Variants in USP6NL observed in about 807,000 individuals in gnomAD.
The protein encoded by USP6NL is USP6 N-terminal-like protein.
USP6NL carries 26 observed loss-of-function variants against 61.9 expected under a neutral mutation model. The observed-to-expected ratio is 0.42, with a 90% CI of 0.31 to 0.58. USP6NL has a LOEUF of 0.58. Among genes scored for constraint, USP6NL ranks in the 20% least tolerant of loss-of-function variants. USP6NL has a pLI of 0.16. For missense variants in USP6NL, 1,114 were observed against 1,034.3 expected, an observed-to-expected ratio of 1.08 and a Z score of -1.06; for synonymous variants, 432 against 390.1, an observed-to-expected ratio of 1.11 and a Z score of -1.27.
At chr10:11,583,983 C>T (rs973982601) in intron 2 of USP6NL, among the ~76,000 whole-genome samples, 3 of 152,096 alleles carry the variant, frequency 2.0e-5, no homozygotes, top group Non-Finnish European at 4.4e-5. Flanking sequence ...GAGGCGAGAT[C>T]ACGTCACTGC....
intron 2 of USP6NL, among the ~76,000 whole-genome samples, chr10:11,557,485 T>C (rs1213911862): frequency 4.6e-5 from 7 of 152,230 alleles, no homozygotes; most frequent in Admixed American, 4.6e-4. Context: ...GAATAACATA[T>C]TCTAGCTCAA....
intron 2 of USP6NL, among the ~76,000 whole-genome samples, chr10:11,570,004 A>G (rs527830812): frequency 1.3e-5 from 2 of 152,110 alleles, no homozygotes; most frequent in East Asian, 1.9e-4. Flanking sequence ...TCTTATCTTC[A>G]TGACTCCTCC....
In USP6NL at chr10:11,602,201, G is replaced by A. The variant is rs11257191; in HGVS notation, c.-83-4484C>T. 0.11 allele frequency among the ~76,000 whole-genome samples: 17,201 copies of A among 151,976 alleles called. 1,287 individuals carry two copies. The highest frequency in any genetic ancestry group is 0.16 in the East Asian group (825 of 5,160). On this transcript the variant is annotated intron_variant, in intron 1 of 14. Coordinates refer to ENST00000609104, the MANE Select transcript of USP6NL (RefSeq NM_014688.5). This position sits in a 1 kb window ranked among gnomAD's most constrained non-coding sequence, Gnocchi z 4.8. ...AATGAATGAATAAACAACGAGCAAC[G>A]TATTTAACGCAACTTTCTCATCAAG...
chr10:11,539,172 G>A (rs1182945967), intron 2 of USP6NL, among the ~76,000 whole-genome samples: 2 of 152,220 alleles, frequency 1.3e-5, no homozygotes, highest in Non-Finnish European at 2.9e-5. Context: ...TTCTGTCCCT[G>A]AGTGTCCCCT....
rs11257121 is a variant in USP6NL at position 11,482,694 on chromosome 10, T to C, written c.926-772A>G. On this transcript the variant is annotated intron_variant, in intron 13 of 14. Transcript: ENST00000609104. The surrounding 1 kb of genome is among the most constrained non-coding windows in gnomAD (Gnocchi z 4.0). Reference sequence around the variant, plus strand: ...TACTTAAACAGTCTTCTATTAATGGTCATTTAGGTGGTTTTTGATTTTTTA... The same window carrying C: ...TACTTAAACAGTCTTCTATTAATGGCCATTTAGGTGGTTTTTGATTTTTTA... Among the ~76,000 whole-genome samples, 34,293 of 152,104 alleles carry C rather than the reference T, an allele frequency of 0.23. 4,471 individuals carry two copies. Among genetic ancestry groups the C allele is most frequent in the East Asian group, 0.59 (3,058 of 5,176 alleles).
At chr10:11,472,585 C>A (rs1214239120) in intron 14 of USP6NL, among the ~76,000 whole-genome samples, 1 of 152,194 alleles carries the variant, frequency 6.6e-6, no homozygotes, top group Admixed American at 6.5e-5. Context: ...AAAGAGTTAT[C>A]CCCTTCCAGA....
chr10:11,561,185 C>CA lies in USP6NL; in HGVS notation c.5-33619dup, dbSNP rs910146373. Among the ~76,000 whole-genome samples, 9 of 151,682 alleles carry CA rather than the reference C, an allele frequency of 5.9e-5. No homozygotes were observed. Among genetic ancestry groups the CA allele is most frequent in the African/African-American group, 7.2e-5 (3 of 41,400 alleles). ...AAAATATGTTTGTGCTTTATACATCCAAAAAAAATAACATTGTAGAATACC... is the reference window on the plus strand; with the variant it reads ...AAAATATGTTTGTGCTTTATACATCCAAAAAAAAATAACATTGTAGAATACC... On this transcript the variant is annotated intron_variant, in intron 2 of 14. Coordinates refer to ENST00000609104, the MANE Select transcript of USP6NL (RefSeq NM_014688.5). The surrounding 1 kb of genome is among the most constrained non-coding windows in gnomAD (Gnocchi z 4.1).
rs1838341326 is a variant in USP6NL at position 11,596,715 on chromosome 10, C to A, written c.4+916G>T. 1.3e-5 allele frequency among the ~76,000 whole-genome samples: 2 copies of A among 151,882 alleles called. No homozygotes were observed. Among genetic ancestry groups the A allele is most frequent in the Non-Finnish European group, 2.9e-5 (2 of 67,998 alleles). ...CAAAGTACACTACCGAAAAAGTATA[C>A]CACTGAAAAGTCAAAAATCAAAGAC... On this transcript the variant is annotated intron_variant, in intron 2 of 14. Transcript: ENST00000609104. The surrounding 1 kb of genome is among the most constrained non-coding windows in gnomAD (Gnocchi z 4.1).
In USP6NL at chr10:11,518,645, T is replaced by C. The variant is rs535964693; in HGVS notation, c.156-71A>G. On this transcript the variant is annotated intron_variant, in intron 4 of 14. Transcript: ENST00000609104. The surrounding 1 kb of genome is among the most constrained non-coding windows in gnomAD (Gnocchi z 5.3). ...AAACTTTTAAAAGCTTATATACTTA[T>C]AGATACATATGACATACAATATTTA... The C allele has an allele frequency of 9.9e-5, 111 of 1,116,914 alleles. No individual in the cohort carries two copies. The South Asian group carries it at 1.4e-3, about 14-fold the overall frequency. 69.2% of individuals were successfully genotyped at this position (1,116,914 alleles called of 1,614,324 possible). A position where few individuals can be genotyped will look rare whatever the true frequency, so the allele number is the denominator to read the frequency against.
At position 11,463,304 on chromosome 10, in the gene USP6NL, C is replaced by T. The variant is rs1294324103; in HGVS notation, c.1624G>A (p.Gly542Arg). 4 of 1,613,918 alleles carry T rather than the reference C, an allele frequency of 2.5e-6. No individual in the cohort carries two copies. The highest frequency in any genetic ancestry group is 3.4e-6 in the Non-Finnish European group (4 of 1,179,892). The change falls in exon 15 of 15, where the codon GGG becomes AGG. Residue 542 changes from glycine (G) to arginine (R), a missense_variant. Transcript: ENST00000609104. The surrounding 1 kb of genome is among the most constrained non-coding windows in gnomAD (Gnocchi z 6.3). Reference sequence around the variant, plus strand: ...TGCGATGCAGTGGAGCCCCGCTTCCCGTCCTCAGCATCCAGGGCCTTCATC... The same window carrying T: ...TGCGATGCAGTGGAGCCCCGCTTCCTGTCCTCAGCATCCAGGGCCTTCATC... ...PKMKALDAED[G>R]KRGSTASQYD...
chr10:11,489,367 T>A lies in USP6NL; in HGVS notation c.544-145A>T. 9.6e-7 allele frequency: 1 copy of A among 1,039,326 alleles called. No homozygotes were observed. The highest frequency in any genetic ancestry group is 1.3e-6 in the Non-Finnish European group (1 of 755,612). 64.4% of individuals were successfully genotyped at this position (1,039,326 alleles called of 1,614,324 possible). ...TTCTAGAGACAAATACTATACTCTT[T>A]ACAGTATTATGCCACATAAGAGAAT... On this transcript the variant is annotated intron_variant, in intron 9 of 14. Coordinates refer to ENST00000609104, the MANE Select transcript of USP6NL (RefSeq NM_014688.5). This position sits in a 1 kb window ranked among gnomAD's most constrained non-coding sequence, Gnocchi z 5.7.
rs1406769979 is a variant in USP6NL, at chr10:11,600,673, T to C, written c.-83-2956A>G. 6.6e-6 allele frequency among the ~76,000 whole-genome samples: 1 copy of C among 152,110 alleles called. No individual in the cohort carries two copies. Among genetic ancestry groups the C allele is most frequent in the African/African-American group, 2.4e-5 (1 of 41,426 alleles). ...ACACATAAAGGTGAGAAATAAGCAT[T>C]AAAAATGTTTATCAGGCTGGGCACG... On this transcript the variant is annotated intron_variant, in intron 1 of 14. Transcript: ENST00000609104. The surrounding 1 kb of genome is among the most constrained non-coding windows in gnomAD (Gnocchi z 4.1).
In USP6NL at chr10:11,591,620, G is replaced by C. The variant is rs1395731973; in HGVS notation, c.4+6011C>G. On this transcript the variant is annotated intron_variant, in intron 2 of 14. Coordinates refer to ENST00000609104, the MANE Select transcript of USP6NL (RefSeq NM_014688.5). The surrounding 1 kb of genome is among the most constrained non-coding windows in gnomAD (Gnocchi z 4.7). ...AACATTTCAATTTCTTTTCTAGATA[G>C]AGGTGTGTGTGAGAGAGGGAAAGGG... 1.3e-5 allele frequency among the ~76,000 whole-genome samples: 2 copies of C among 152,098 alleles called. No individual in the cohort carries two copies. The highest frequency in any genetic ancestry group is 2.1e-4 in the South Asian group (1 of 4,836).
rs553125663 is a variant in USP6NL at position 11,561,455 on chromosome 10, A to G, written c.5-33888T>C. On this transcript the variant is annotated intron_variant, in intron 2 of 14. Transcript: ENST00000609104. The surrounding 1 kb of genome is among the most constrained non-coding windows in gnomAD (Gnocchi z 4.1). ...AACATATACGAACACACGCATATGT[A>G]TAAGGCACACAACAGAACCATACTA... 8.5e-5 allele frequency among the ~76,000 whole-genome samples: 13 copies of G among 152,350 alleles called. No homozygotes were observed. The highest frequency in any genetic ancestry group is 1.3e-4 in the Admixed American group (2 of 15,306).
chr10:11,463,931 A>G lies in USP6NL; in HGVS notation c.1079-82T>C. ...GAAGCAATCCATTAGTAACAATGGC[A>G]TGCTTTTCATCTGTGCACAGATACA... On this transcript the variant is annotated intron_variant, in intron 14 of 14. Transcript: ENST00000609104. The surrounding 1 kb of genome is among the most constrained non-coding windows in gnomAD (Gnocchi z 6.3). The G allele has an allele frequency of 7.7e-6, 10 of 1,292,802 alleles. No homozygotes were observed. Among genetic ancestry groups the G allele is most frequent in the Non-Finnish European group, 1.0e-5 (10 of 956,016 alleles). 80.1% of individuals were successfully genotyped at this position (1,292,802 alleles called of 1,614,324 possible). A position where few individuals can be genotyped will look rare whatever the true frequency, so the allele number is the denominator to read the frequency against.
Position 11,525,354 on chromosome 10 carries a change from T to C in USP6NL, c.155+32A>G, listed in dbSNP as rs1555167854. 1.3e-6 allele frequency: 2 copies of C among 1,550,564 alleles called. No individual in the cohort carries two copies. Among genetic ancestry groups the C allele is most frequent in the Admixed American group, 2.1e-5 (1 of 47,882 alleles). On this transcript the variant is annotated intron_variant, in intron 4 of 14. Coordinates refer to ENST00000609104, the MANE Select transcript of USP6NL (RefSeq NM_014688.5). The surrounding 1 kb of genome is among the most constrained non-coding windows in gnomAD (Gnocchi z 5.0). Reference sequence around the variant, plus strand: ...AGGTGACCACAGAAACGTTATAATCTAAAAAGCAAGCTTTCAATCTATGTG... The same window carrying C: ...AGGTGACCACAGAAACGTTATAATCCAAAAAGCAAGCTTTCAATCTATGTG...
Position 11,485,866 on chromosome 10 carries a change from T to C in USP6NL, c.710A>G (p.His237Arg). The C allele has an allele frequency of 1.3e-6, 2 of 1,556,806 alleles. No homozygotes were observed. The highest frequency in any genetic ancestry group is 2.4e-5 in the East Asian group (1 of 42,356). The change falls in exon 11 of 15, where the codon CAT becomes CGT. Residue 237 changes from histidine to arginine, a missense_variant. Transcript: ENST00000609104. This position sits in a 1 kb window ranked among gnomAD's most constrained non-coding sequence, Gnocchi z 4.8. Reference sequence around the variant, plus strand: ...AAATTTGTTCAGTATTTTTTCATGATGTTCTTGAAACCTCAAGAGTTTAGG... The same window carrying C: ...AAATTTGTTCAGTATTTTTTCATGACGTTCTTGAAACCTCAAGAGTTTAGG... The part of the protein sequence containing the change: ...GFPKLLRFQE[H>R]HEKILNKFLS...
chr10:11,488,975 T>C (rs1329780310), intron 10 of USP6NL, 127 bp downstream of exon 10: 2 of 1,246,794 alleles, frequency 1.6e-6, no homozygotes, highest in Non-Finnish European at 2.2e-6. Flanking sequence ...TAACAAATAC[T>C]AATGAACTCA....
chr10:11,564,543 T>C (rs1837054505), intron 2 of USP6NL: 2 of 152,232 alleles, frequency 1.3e-5, no homozygotes, highest in African/African-American at 4.8e-5. Flanking sequence ...TTCTCCAAAA[T>C]GATTAATGAA....
Sources: allele counts gnomAD v4.1 joint callset (sites outside exome capture counted in the v4.1 genomes callset), GRCh38; gene constraint gnomAD v4.1.1; non-coding constraint Gnocchi (gnomAD v3.1); transcripts MANE v1.5; gene names NCBI Gene and HGNC (gene_info 2026-07-23, HGNC 2026-07-21).